Variants in PLEKHH1 observed in about 807,000 individuals in gnomAD.
PLEKHH1 encodes pleckstrin homology domain-containing family H member 1.
Under a neutral mutation model 160.0 loss-of-function variants are expected in PLEKHH1, and 104 were observed. The ratio of observed to expected loss-of-function variants is 0.65; its 90% CI spans 0.55 to 0.76. PLEKHH1 has a LOEUF of 0.76. PLEKHH1 is among the 30% of genes least tolerant of loss of function. The pLI is 0.00. For missense variants in PLEKHH1, 1,427 were observed against 1,724.1 expected (o/e 0.83, Z 3.05); for synonymous variants, 619 against 678.4 (o/e 0.91, Z 1.36).
At chr14:67,539,775 T>C (rs1208212666) in intron 1 of PLEKHH1, among the ~76,000 whole-genome samples, 2 of 152,238 alleles carry the variant, frequency 1.3e-5, no homozygotes, top group African/African-American at 4.8e-5. Flanking sequence ...CAATTATCTG[T>C]AAATTACTTA....
intron 25 of PLEKHH1, 32 bp downstream of exon 25, chr14:67,583,915 A>C: frequency 6.2e-7 from 1 of 1,612,044 alleles, no homozygotes; most frequent in Non-Finnish European, 8.5e-7. Flanking sequence ...GCAGCAAGTC[A>C]CTGTGGGGAG....
intron 5 of PLEKHH1, among the ~76,000 whole-genome samples, chr14:67,560,615 A>G (rs1322525989): frequency 6.6e-6 from 1 of 151,852 alleles, no homozygotes; most frequent in East Asian, 1.9e-4. Flanking sequence ...CTGTACCTTT[A>G]TTTAGGAAAC....
chr14:67,545,874 A>G lies in PLEKHH1; in HGVS notation c.126+3881A>G, dbSNP rs1371301263. ...AGTACTAATTGTTGTTTCTCATCCC[A>G]GATCCGTGCTCATGGATTTTATATA... On this transcript the variant is annotated intron_variant, in intron 2 of 28. Coordinates refer to ENST00000329153, the MANE Select transcript of PLEKHH1 (RefSeq NM_020715.3). Among the ~76,000 whole-genome samples the G allele has an allele frequency of 2.0e-5, 3 of 152,316 alleles. No individual in the cohort carries two copies. In the East Asian group the frequency reaches 5.8e-4, roughly 29 times the overall value.
At chr14:67,563,661 G>A (rs940649695) in intron 7 of PLEKHH1, among the ~76,000 whole-genome samples, 18 of 150,966 alleles carry the variant, frequency 1.2e-4, no homozygotes, top group South Asian at 1.0e-3. Context: ...TCAAACTCCT[G>A]ACCTCAGGTG....
In PLEKHH1 at chr14:67,588,332, G is replaced by A. The variant is rs1030439512; in HGVS notation, c.*1097G>A. On this transcript the variant is annotated 3_prime_UTR_variant, in exon 29 of 29. Transcript: ENST00000329153. ...CAAATGCACTCTGCTTTTTGCTGCTGTAAGACCACCAAAAATGAGTCAGAA... is the reference window on the plus strand; with the variant it reads ...CAAATGCACTCTGCTTTTTGCTGCTATAAGACCACCAAAAATGAGTCAGAA... The A allele has an allele frequency of 1.3e-5, 2 of 152,544 alleles. No homozygotes were observed. The highest frequency in any genetic ancestry group is 2.4e-5 in the African/African-American group (1 of 41,434). The allele number at this position is 152,544 out of a possible 1,614,324, so 9.4% of individuals were successfully genotyped here. A position where few individuals can be genotyped will look rare whatever the true frequency, so the allele number is the denominator to read the frequency against.
intron 1 of PLEKHH1, among the ~76,000 whole-genome samples, chr14:67,536,505 C>T (rs2033724269): frequency 1.3e-5 from 2 of 151,786 alleles, no homozygotes; most frequent in South Asian, 4.1e-4. Context: ...GTGCATATAA[C>T]AGAAGCCCCG....
rs1313145255 is a variant in PLEKHH1 at position 67,585,931 on chromosome 14, T to G, written c.3787-20T>G. 4 of 1,603,320 alleles carry G rather than the reference T, an allele frequency of 2.5e-6. No homozygotes were observed. Among genetic ancestry groups the G allele is most frequent in the Non-Finnish European group, 3.4e-6 (4 of 1,174,914 alleles). ...GACAGGTGGAAAGTTTCCCCACAAC[T>G]GACTGGTTCCTTTCCACAGCAAGTG... is the stretch of plus-strand genomic sequence containing the variant. On this transcript the variant is annotated intron_variant, in intron 27 of 28. Coordinates refer to ENST00000329153, the MANE Select transcript of PLEKHH1 (RefSeq NM_020715.3).
chr14:67,567,070 T>C (rs944356360), intron 7 of PLEKHH1, among the ~76,000 whole-genome samples: 4 of 152,120 alleles, frequency 2.6e-5, no homozygotes, highest in Non-Finnish European at 5.9e-5. Flanking sequence ...CAATCCCCTT[T>C]GTAACTTGCT....
chr14:67,562,623 A>T lies in PLEKHH1; in HGVS notation c.992A>T (p.His331Leu). The T allele has an allele frequency of 6.2e-7, 1 of 1,613,048 alleles. No individual in the cohort carries two copies. The change falls in exon 7 of 29, where the codon CAC becomes CTC. Residue 331 changes from histidine to leucine, a missense_variant. His to Leu is a moderately conservative substitution (Grantham distance 99, BLOSUM62 -3). Coordinates refer to ENST00000329153, the MANE Select transcript of PLEKHH1 (RefSeq NM_020715.3). ...PRDSIQLAKR[H>L]HSQPQVGHGH... ...GACAGCATCCAGTTGGCCAAAAGGC[A>T]CCACAGCCAGCCCCAGGTGGGCCAT...
chr14:67,587,049 C>A lies in PLEKHH1; in HGVS notation c.3934-25C>A, dbSNP rs1286071606. On this transcript the variant is annotated intron_variant, in intron 28 of 28. Transcript: ENST00000329153. Reference sequence around the variant, plus strand: ...ATTCAAGCCAAGGCTAGTTCAATTCCTTCACATCTCTGACCTCCTCTTAGA... The same window carrying A: ...ATTCAAGCCAAGGCTAGTTCAATTCATTCACATCTCTGACCTCCTCTTAGA... The A allele has an allele frequency of 1.9e-6, 3 of 1,560,506 alleles. No homozygotes were observed. In the East Asian group the frequency reaches 7.1e-5, roughly 37 times the overall value.
chr14:67,588,921 T>C lies in PLEKHH1; in HGVS notation c.*1686T>C, dbSNP rs1334929265. 6.6e-6 allele frequency: 1 copy of C among 152,632 alleles called. No homozygotes were observed. The highest frequency in any genetic ancestry group is 1.5e-5 in the Non-Finnish European group (1 of 68,034). 9.5% of individuals were successfully genotyped at this position (152,632 alleles called of 1,614,324 possible). On this transcript the variant is annotated 3_prime_UTR_variant, in exon 29 of 29. Coordinates refer to ENST00000329153, the MANE Select transcript of PLEKHH1 (RefSeq NM_020715.3). ...CATCCAAGTTTCTGCCTCTTTTAAATGTACTTGACTTTGCAAGGCAAGTAG... is the reference window on the plus strand; with the variant it reads ...CATCCAAGTTTCTGCCTCTTTTAAACGTACTTGACTTTGCAAGGCAAGTAG...
At chr14:67,561,105 T>G (rs1477521105) in intron 5 of PLEKHH1, among the ~76,000 whole-genome samples, 1 of 152,180 alleles carries the variant, frequency 6.6e-6, no homozygotes, top group Non-Finnish European at 1.5e-5. Context: ...TCATTTGGCC[T>G]CCTATCCCCT....
chr14:67,586,834 C>G, intron 28 of PLEKHH1: 1 of 1,483,654 alleles, frequency 6.7e-7, no homozygotes, highest in Middle Eastern at 1.8e-4. Flanking sequence ...GAACACTGGG[C>G]CTCCTTTTCT....
Position 67,571,763 on chromosome 14 carries a change from G to A in PLEKHH1, c.1446G>A (p.Gln482=), listed in dbSNP as rs763167386. ...GGCCTGTCTTGCAGAGAGCTACACAGATCAGCAACATGCCCTTTATGGACG... is the reference window on the plus strand; with the variant it reads ...GGCCTGTCTTGCAGAGAGCTACACAAATCAGCAACATGCCCTTTATGGACG... ...VYTALKGRAT[Q]ISNMPFMDES... Residue 482 remains glutamine (Q), a synonymous_variant, in exon 10 of 29, where the codon CAG becomes CAA. Coordinates refer to ENST00000329153, the MANE Select transcript of PLEKHH1 (RefSeq NM_020715.3). The A allele has an allele frequency of 1.4e-4, 218 of 1,613,964 alleles. 1 individual carries two copies. Among genetic ancestry groups the A allele is most frequent in the Middle Eastern group, 1.3e-3 (8 of 6,062 alleles).
At chr14:67,580,847 C>T (rs2035858691) in intron 22 of PLEKHH1, 91 bp from the exon 23 acceptor site, 1 of 804,124 alleles carries the variant, frequency 1.2e-6, no homozygotes. Context: ...GTTTTCTTTG[C>T]TCTTCTGCTC....
intron 1 of PLEKHH1, among the ~76,000 whole-genome samples, chr14:67,536,427 G>A (rs919230382): frequency 1.3e-5 from 2 of 151,846 alleles, no homozygotes; most frequent in Admixed American, 1.3e-4. Flanking sequence ...GCAAGTGGAA[G>A]TCATACAGAT....
rs759287677 is a variant in PLEKHH1 at position 67,579,288 on chromosome 14, C to T, written c.3004C>T (p.His1002Tyr). Reference protein sequence around the residue: ...HHSLPFSIPVHFTNGTYHVVG... With the variant: ...HHSLPFSIPVYFTNGTYHVVG... ...CTCCTTGCCCTTCAGCATCCCCGTGCACTTTACCAACGGGACTTACCATGT... is the reference window on the plus strand; with the variant it reads ...CTCCTTGCCCTTCAGCATCCCCGTGTACTTTACCAACGGGACTTACCATGT... Residue 1002 changes from histidine (H) to tyrosine (Y), a missense_variant, in exon 21 of 29, where the codon CAC (histidine) becomes TAC (tyrosine). This residue lies in a region of PLEKHH1 where 436 missense variants were observed against 607.5 expected (regional missense o/e 0.72). Coordinates refer to ENST00000329153, the MANE Select transcript of PLEKHH1 (RefSeq NM_020715.3). 6.4e-7 allele frequency: 1 copy of T among 1,559,098 alleles called. No individual in the cohort carries two copies. The highest frequency in any genetic ancestry group is 1.2e-5 in the South Asian group (1 of 82,248).
intron 2 of PLEKHH1, 26 bp downstream of exon 2, chr14:67,542,019 C>G: frequency 6.4e-7 from 1 of 1,571,832 alleles, no homozygotes; most frequent in Non-Finnish European, 8.6e-7. Flanking sequence ...CAGGGAGCTG[C>G]CTCTCCACAC....
At chr14:67,552,777 A>C (rs1467415659) in intron 2 of PLEKHH1, among the ~76,000 whole-genome samples, 13 of 149,948 alleles carry the variant, frequency 8.7e-5, no homozygotes, top group African/African-American at 3.2e-4. Flanking sequence ...AAAAAAAAAA[A>C]ACAAAAACAA....
Sources: gnomAD v4.1 joint callset for allele counts (sites outside exome capture counted in the v4.1 genomes callset) on GRCh38, gnomAD v4.1.1 for gene constraint, gnomAD v4.1.1 regional missense constraint, MANE v1.5 for transcripts, NCBI Gene and HGNC (gene_info 2026-07-23, HGNC 2026-07-21) for gene names.